KIDINS220: variants seen among roughly 807,000 people sequenced by gnomAD.
The protein encoded by KIDINS220 is kinase D-interacting substrate of 220 kDa.
KIDINS220 carries 63 observed loss-of-function variants against 157.6 expected under a neutral mutation model. The observed-to-expected ratio is 0.40, with a 90% CI of 0.33 to 0.49. KIDINS220 has a LOEUF of 0.49. Among genes scored for constraint, KIDINS220 ranks in the 20% least tolerant of loss-of-function variants. The probability of loss-of-function intolerance (pLI) is 0.66; values close to 1 mark genes in which losing one functional copy is unlikely to be tolerated. For missense variants in KIDINS220, 1,772 were observed against 2,171.2 expected, an observed-to-expected ratio of 0.82 and a Z score of 3.65; for synonymous variants, 732 against 783.6, an observed-to-expected ratio of 0.93 and a Z score of 1.10.
rs1663887813 is a variant in KIDINS220 at position 8,730,467 on chromosome 2, G to A, written c.*253C>T. 1 of 1,300,596 alleles carries A rather than the reference G, an allele frequency of 7.7e-7. No individual in the cohort carries two copies. Among genetic ancestry groups the A allele is most frequent in the Non-Finnish European group, 9.7e-7 (1 of 1,029,186 alleles). The allele number at this position is 1,300,596 out of a possible 1,614,324, so 80.6% of individuals were successfully genotyped here. A position where few individuals can be genotyped will look rare whatever the true frequency, so the allele number is the denominator to read the frequency against. Reference sequence around the variant, plus strand: ...GTCTCAAAAAGTTTTATGGGGTAATGCGCCAATGAAAGGTACAGTAGTATT... The same window carrying A: ...GTCTCAAAAAGTTTTATGGGGTAATACGCCAATGAAAGGTACAGTAGTATT... On this transcript the variant is annotated 3_prime_UTR_variant, in exon 30 of 30. Transcript: ENST00000256707.
intron 6 of KIDINS220, among the ~76,000 whole-genome samples, chr2:8,808,324 C>A (rs895946081): frequency 6.6e-6 from 1 of 152,062 alleles, no homozygotes; most frequent in Non-Finnish European, 1.5e-5. Context: ...TAGAAAATCA[C>A]CCTTCATAAA....
intron 26 of KIDINS220, chr2:8,746,542 T>C (rs1666606843): frequency 6.6e-6 from 1 of 151,720 alleles, no homozygotes; most frequent in South Asian, 2.1e-4. Context: ...AATAAATAAT[T>C]TCTTTTACAT....
chr2:8,813,000 ATATAGT>A (rs1466653099), intron 5 of KIDINS220, among the ~76,000 whole-genome samples: 3 of 152,234 alleles, frequency 2.0e-5, no homozygotes, highest in Non-Finnish European at 4.4e-5. Context: ...TTGCAATGTT[ATATAGT>A]TATAATTAAC....
At chr2:8,836,664 C>T (rs1680444119) in intron 1 of KIDINS220, among the ~76,000 whole-genome samples, 1 of 152,174 alleles carries the variant, frequency 6.6e-6, no homozygotes, top group Admixed American at 6.5e-5. Flanking sequence ...ACTCAATACC[C>T]CACGGTGGTT....
chr2:8,765,279 A>G (rs573680045), intron 22 of KIDINS220, among the ~76,000 whole-genome samples: 1 of 152,194 alleles, frequency 6.6e-6, no homozygotes, highest in African/African-American at 2.4e-5. Flanking sequence ...TATACTATCT[A>G]TAAGTCAAAA....
chr2:8,800,503 G>C lies in KIDINS220; in HGVS notation c.802-5C>G, dbSNP rs1674542079. 6.3e-7 allele frequency: 1 copy of C among 1,589,460 alleles called. No individual in the cohort carries two copies. The highest frequency in any genetic ancestry group is 1.8e-5 in the Admixed American group (1 of 55,460). The stretch of plus-strand genomic sequence containing the variant: ...AATCAACACAGTATCCCCACTCTAA[G>C]AAGACAGAAAATAAAAACAAAAACA... On this transcript the variant is annotated splice_polypyrimidine_tract_variant and splice_region_variant and intron_variant, in intron 8 of 29. Transcript: ENST00000256707.
In KIDINS220 at chr2:8,730,362, G is replaced by C. The variant is rs866128591; in HGVS notation, c.*358C>G. 1.9e-6 allele frequency: 2 copies of C among 1,026,814 alleles called. No individual in the cohort carries two copies. Among genetic ancestry groups the C allele is most frequent in the East Asian group, 8.9e-5 (1 of 11,264 alleles). 63.6% of individuals were successfully genotyped at this position (1,026,814 alleles called of 1,614,324 possible). ...GTGGTCACCAAATGTTTGCAAAAAG[G>C]GTCTCTAGCTTTTTTTCTTTTTGGC... is the stretch of plus-strand genomic sequence containing the variant. On this transcript the variant is annotated 3_prime_UTR_variant, in exon 30 of 30. Coordinates refer to ENST00000256707, the MANE Select transcript of KIDINS220 (RefSeq NM_020738.4).
chr2:8,755,199 C>T (rs1447125510), intron 22 of KIDINS220, among the ~76,000 whole-genome samples: 1 of 152,226 alleles, frequency 6.6e-6, no homozygotes, highest in Non-Finnish European at 1.5e-5. Context: ...TGGCTACACC[C>T]TTCCATCTTC....
intron 11 of KIDINS220, among the ~76,000 whole-genome samples, chr2:8,794,916 T>C (rs549738393): frequency 6.6e-6 from 1 of 152,336 alleles, no homozygotes; most frequent in East Asian, 1.9e-4. Flanking sequence ...TGTGGTAGCA[T>C]AACTATGCAC....
intron 18 of KIDINS220, 92 bp from the exon 19 acceptor site, chr2:8,779,231 A>C: frequency 6.9e-7 from 1 of 1,449,160 alleles, no homozygotes; most frequent in Non-Finnish European, 9.3e-7. Context: ...CCTTTTGGTG[A>C]CAATATTTCT....
In KIDINS220 at chr2:8,827,132, GTTAAA is replaced by G; in HGVS notation, c.-36-8_-36-4del. On this transcript the variant is annotated splice_region_variant and splice_polypyrimidine_tract_variant and intron_variant, in intron 1 of 29. Transcript: ENST00000256707. The stretch of plus-strand genomic sequence containing the variant: ...TGCAATTAACTTTATTTGAATACCT[GTTAAA>G]TTAGACAAAATACACATAATTTATA... The G allele has an allele frequency of 9.2e-7, 1 of 1,089,618 alleles. No homozygotes were observed. The highest frequency in any genetic ancestry group is 1.4e-6 in the Non-Finnish European group (1 of 733,192). 67.5% of individuals were successfully genotyped at this position (1,089,618 alleles called of 1,614,324 possible). A position where few individuals can be genotyped will look rare whatever the true frequency, so the allele number is the denominator to read the frequency against.
Position 8,837,543 on chromosome 2 carries a change from C to T in KIDINS220, c.-100G>A, listed in dbSNP as rs1339466564. The T allele has an allele frequency of 6.6e-6, 1 of 152,348 alleles. No homozygotes were observed. The highest frequency in any genetic ancestry group is 1.5e-5 in the Non-Finnish European group (1 of 68,146). The allele number at this position is 152,348 out of a possible 1,614,324, so 9.4% of individuals were successfully genotyped here. Reference sequence around the variant, plus strand: ...CAGGCGATGTCAGAGGACGGGGAAGCAAGAGACGGCGACTGCAAGCGCGTC... The same window carrying T: ...CAGGCGATGTCAGAGGACGGGGAAGTAAGAGACGGCGACTGCAAGCGCGTC... On this transcript the variant is annotated 5_prime_UTR_variant, in exon 1 of 30. Transcript: ENST00000256707.
Position 8,815,782 on chromosome 2 carries a change from T to G in KIDINS220, c.306+1836A>C, listed in dbSNP as rs1432851781. ...TAAATTGGCAAAAGACTGAGACCAA[T>G]TAACTATAGTGTAGCTTTATATTTC... On this transcript the variant is annotated intron_variant, in intron 4 of 29. Transcript: ENST00000256707. 3.9e-5 allele frequency among the ~76,000 whole-genome samples: 6 copies of G among 152,350 alleles called. No homozygotes were observed. The South Asian group carries it at 1.2e-3, about 32-fold the overall frequency.
At position 8,729,368 on chromosome 2, in the gene KIDINS220, C is replaced by T. The variant is rs545078123; in HGVS notation, c.*1352G>A. On this transcript the variant is annotated 3_prime_UTR_variant, in exon 30 of 30. Transcript: ENST00000256707. Reference sequence around the variant, plus strand: ...ATGTAACACTGAATCTAGATAATAGCGCATCTGCGATCTCACCATCTACCG... The same window carrying T: ...ATGTAACACTGAATCTAGATAATAGTGCATCTGCGATCTCACCATCTACCG... 4.0e-5 allele frequency: 39 copies of T among 985,428 alleles called. No individual in the cohort carries two copies. The highest frequency in any genetic ancestry group is 8.7e-5 in the African/African-American group (5 of 57,362). The allele number at this position is 985,428 out of a possible 1,614,324, so 61.0% of individuals were successfully genotyped here.
intron 4 of KIDINS220, among the ~76,000 whole-genome samples, chr2:8,813,710 T>C (rs892593740): frequency 2.6e-5 from 4 of 152,162 alleles, no homozygotes; most frequent in Non-Finnish European, 4.4e-5. Context: ...GATCATGAGC[T>C]CAGGAGTTCG....
At chr2:8,795,157 A>T (rs939738125) in intron 11 of KIDINS220, among the ~76,000 whole-genome samples, 1 of 152,170 alleles carries the variant, frequency 6.6e-6, no homozygotes, top group Non-Finnish European at 1.5e-5. Context: ...TCTCTATCCT[A>T]GTAACTAATT....
In KIDINS220 at chr2:8,731,721, T is replaced by C. The variant is rs780463314; in HGVS notation, c.4315A>G (p.Ser1439Gly). Residue 1439 changes from serine (S) to glycine (G), a missense_variant, in exon 30 of 30, where the codon AGT (serine) becomes GGT (glycine). Transcript: ENST00000256707. The surrounding 1 kb of genome is among the most constrained non-coding windows in gnomAD (Gnocchi z 5.2). ...CTCCCATCATCGGGCTTTGGTTCAC[T>C]ATCCTTCCCCTTTTCTTGCTCTAGG... ...SNLEQEKGKD[S>G]EPKPDDGRKS... 3 of 1,614,092 alleles carry C rather than the reference T, an allele frequency of 1.9e-6. No individual in the cohort carries two copies.
At position 8,748,010 on chromosome 2, in the gene KIDINS220, A is replaced by G; in HGVS notation, c.3415-10T>C. 6.7e-7 allele frequency: 1 copy of G among 1,497,634 alleles called. No individual in the cohort carries two copies. Among genetic ancestry groups the G allele is most frequent in the Non-Finnish European group, 9.0e-7 (1 of 1,107,736 alleles). 92.8% of individuals were successfully genotyped at this position (1,497,634 alleles called of 1,614,324 possible). ...ATGGGGCAAAGAATGGCTATGGAAA[A>G]ACATGTAACAAAAAAGGGGTAAACA... On this transcript the variant is annotated splice_polypyrimidine_tract_variant and intron_variant, in intron 24 of 29. Coordinates refer to ENST00000256707, the MANE Select transcript of KIDINS220 (RefSeq NM_020738.4).
rs1664958002 is a variant in KIDINS220 at position 8,736,977 on chromosome 2, G to A, written c.3608C>T (p.Pro1203Leu). The A allele has an allele frequency of 1.9e-6, 3 of 1,614,094 alleles. No individual in the cohort carries two copies. Among genetic ancestry groups the A allele is most frequent in the African/African-American group, 1.3e-5 (1 of 75,030 alleles). The change falls in exon 27 of 30, where the codon CCA becomes CTA. Residue 1203 changes from proline to leucine, a missense_variant. Pro to Leu is a moderately conservative substitution (Grantham distance 98). This residue lies in a region of KIDINS220 where 793 missense variants were observed against 885.5 expected (regional missense o/e 0.90). Coordinates refer to ENST00000256707, the MANE Select transcript of KIDINS220 (RefSeq NM_020738.4). ...ATTCAGTGAATTCAGTAATACCACT[G>A]GGCCTGGGGCTGGGCCTGACCCCTA... The part of the protein sequence containing the change: ...SSRGSGPAPG[P>L]VVLLNSLNVD...
Sources: gnomAD v4.1 joint callset for allele counts (sites outside exome capture counted in the v4.1 genomes callset) on GRCh38, gnomAD v4.1.1 for gene constraint, gnomAD v4.1.1 regional missense constraint, Gnocchi (gnomAD v3.1) non-coding constraint, MANE v1.5 for transcripts, NCBI Gene and HGNC (gene_info 2026-07-23, HGNC 2026-07-21) for gene names.